Variants in DIAPH2 observed in about 807,000 individuals in gnomAD.
The protein encoded by DIAPH2 is protein diaphanous homolog 2.
DIAPH2 carries 35 observed loss-of-function variants against 92.7 expected under a neutral mutation model. The observed-to-expected ratio is 0.38, with a 90% CI of 0.29 to 0.50. The LOEUF (loss-of-function observed/expected upper bound fraction) is 0.50, where lower values mean the gene tolerates loss of function less well. Ranked by LOEUF, DIAPH2 falls within the 20% of genes least tolerant of loss-of-function variation. DIAPH2 has a pLI of 0.94. For synonymous variants in DIAPH2, 301 were observed against 280.4 expected (o/e 1.07, Z -0.73); for missense variants, 701 against 819.5 (o/e 0.86, Z 1.77).
chrX:97,392,469 C>CT (rs2069668850), intron 25 of DIAPH2, among the ~76,000 whole-genome samples: 1 of 111,640 alleles, frequency 9.0e-6, no homozygotes, highest in South Asian at 3.8e-4. Flanking sequence ...CTCTTTAACT[C>CT]TATCTAAAAA....
At chrX:97,214,839 A>T (rs952056490) in intron 22 of DIAPH2, among the ~76,000 whole-genome samples, 21 of 40,500 alleles carry the variant, frequency 5.2e-4, no homozygotes, top group African/African-American at 2.1e-3. Flanking sequence ...CTCAAATTAA[A>T]AAAAAAAAAA....
chrX:96,925,841 C>T (rs1431091942), intron 9 of DIAPH2, among the ~76,000 whole-genome samples: 1 of 111,642 alleles, frequency 9.0e-6, no homozygotes, highest in Non-Finnish European at 1.9e-5. Flanking sequence ...AGATTTTATG[C>T]TGTTTTATAC....
intron 24 of DIAPH2, among the ~76,000 whole-genome samples, chrX:97,362,920 T>A (rs762636612): frequency 1.8e-5 from 2 of 112,543 alleles, no homozygotes; most frequent in African/African-American, 3.2e-5. Flanking sequence ...TTTAACAGTG[T>A]AAATGTTTCC....
At chrX:97,496,455 G>A (rs186296530) in intron 26 of DIAPH2, among the ~76,000 whole-genome samples, 46 of 101,157 alleles carry the variant, frequency 4.5e-4, no homozygotes, top group Admixed American at 1.2e-3. Flanking sequence ...GATTACAGGC[G>A]TGAGCCACCA....
At chrX:96,747,860 T>G (rs920331297) in intron 3 of DIAPH2, among the ~76,000 whole-genome samples, 6 of 112,286 alleles carry the variant, frequency 5.3e-5, no homozygotes, top group African/African-American at 1.6e-4. Flanking sequence ...AAATCTATAA[T>G]AAGCCATGGA....
intron 26 of DIAPH2, among the ~76,000 whole-genome samples, chrX:97,537,157 A>T (rs776791244): frequency 1.8e-5 from 2 of 111,551 alleles, no homozygotes; most frequent in Non-Finnish European, 3.8e-5. Flanking sequence ...GTCAGTAGGT[A>T]AAAATGGGCT....
intron 3 of DIAPH2, among the ~76,000 whole-genome samples, chrX:96,742,443 A>G (rs1471707382): frequency 2.7e-5 from 3 of 111,390 alleles, no homozygotes; most frequent in Admixed American, 9.6e-5. Flanking sequence ...ACATCATGTC[A>G]CTTGGCTCCT....
At chrX:96,727,971 G>C (rs1296693173) in intron 1 of DIAPH2, among the ~76,000 whole-genome samples, 1 of 105,963 alleles carries the variant, frequency 9.4e-6, no homozygotes, top group Non-Finnish European at 1.9e-5. Flanking sequence ...TTGAATCCGG[G>C]AGGTGGAGGT....
At chrX:97,320,604 G>T (rs2068884652) in intron 23 of DIAPH2, among the ~76,000 whole-genome samples, 1 of 108,320 alleles carries the variant, frequency 9.2e-6, no homozygotes, top group African/African-American at 3.4e-5. Context: ...AGTCCCGGCT[G>T]CTCAGGAGGC....
chrX:96,941,035 C>T lies in DIAPH2; in HGVS notation c.1326-983C>T, dbSNP rs183347644. ...ATAATCCAATATTATTTACTCTAGACCCGAAGATGACTTGAAAAAAACCAG... is the reference window on the plus strand; with the variant it reads ...ATAATCCAATATTATTTACTCTAGATCCGAAGATGACTTGAAAAAAACCAG... On this transcript the variant is annotated intron_variant, in intron 12 of 26. Coordinates refer to ENST00000324765, the MANE Select transcript of DIAPH2 (RefSeq NM_006729.5). Among the ~76,000 whole-genome samples the T allele has an allele frequency of 8.4e-3, 928 of 110,864 alleles. 6 individuals are homozygous for T. Among genetic ancestry groups the T allele is most frequent in the Non-Finnish European group, 0.013 (684 of 52,789 alleles).
At chrX:97,540,940 C>G (rs1346558228) in intron 26 of DIAPH2, among the ~76,000 whole-genome samples, 1 of 111,719 alleles carries the variant, frequency 9.0e-6, no homozygotes, top group Non-Finnish European at 1.9e-5. Flanking sequence ...ATTGTTTATA[C>G]AACTACATTG....
chrX:97,248,512 T>A (rs747662779), intron 23 of DIAPH2, among the ~76,000 whole-genome samples: 2 of 111,846 alleles, frequency 1.8e-5, no homozygotes, highest in East Asian at 5.6e-4. Flanking sequence ...TTGTTTAATG[T>A]TAAATCTGGT....
chrX:97,585,869 T>C (rs1234875082), intron 26 of DIAPH2, among the ~76,000 whole-genome samples: 1 of 112,200 alleles, frequency 8.9e-6, no homozygotes. Context: ...ACTGCATCTT[T>C]CTACAACATA....
intron 17 of DIAPH2, among the ~76,000 whole-genome samples, chrX:96,992,297 G>A (rs1419525830): frequency 9.0e-6 from 1 of 111,406 alleles, no homozygotes; most frequent in Non-Finnish European, 1.9e-5. Flanking sequence ...AACCTCAATA[G>A]AACTGTGAAA....
chrX:97,329,552 C>T (rs2068978980), intron 23 of DIAPH2, among the ~76,000 whole-genome samples: 2 of 111,088 alleles, frequency 1.8e-5, no homozygotes, highest in Admixed American at 1.9e-4. Flanking sequence ...CCTGTTCTAT[C>T]AGTTGTTGGA....
In DIAPH2 at chrX:97,096,103, C is replaced by T. The variant is rs776971062; in HGVS notation, c.2248-3591C>T. 2.7e-5 allele frequency among the ~76,000 whole-genome samples: 3 copies of T among 111,987 alleles called. No homozygotes were observed. The South Asian group carries it at 1.1e-3, about 42-fold the overall frequency. On this transcript the variant is annotated intron_variant, in intron 19 of 26. Transcript: ENST00000324765. ...GCCTTGAAACTTTCCAGGATATTTG[C>T]CTATCAACTCACAGTTTGTAAGAAT...
At chrX:97,469,543 A>G (rs1017528593) in intron 26 of DIAPH2, 2 of 425,400 alleles carry the variant, frequency 4.7e-6, no homozygotes, top group African/African-American at 5.0e-5. Context: ...AATTTGTTGA[A>G]CTTCTCATTT....
At chrX:97,223,530 G>A (rs751908089) in intron 22 of DIAPH2, among the ~76,000 whole-genome samples, 1 of 111,029 alleles carries the variant, frequency 9.0e-6, no homozygotes, top group Admixed American at 9.7e-5. Context: ...TCATTTACTC[G>A]ATTACATATT....
chrX:97,510,547 C>A (rs1294017666), intron 26 of DIAPH2, among the ~76,000 whole-genome samples: 4 of 106,263 alleles, frequency 3.8e-5, no homozygotes, highest in Non-Finnish European at 2.0e-5. Context: ...GCTTTTGTTG[C>A]CATTGCTTTT....
Sources: allele counts gnomAD v4.1 joint callset (sites outside exome capture counted in the v4.1 genomes callset), GRCh38; gene constraint gnomAD v4.1.1; transcripts MANE v1.5; gene names NCBI Gene and HGNC (gene_info 2026-07-23, HGNC 2026-07-21).